Variants in AP3B1 observed in about 807,000 individuals in gnomAD.
AP3B1 encodes the protein adaptor related protein complex 3 subunit beta 1.
In AP3B1, 61 loss-of-function variants were observed where a neutral mutation model predicts 132.5. That is an observed-to-expected ratio of 0.46 (90% CI 0.37 to 0.57). AP3B1 has a LOEUF of 0.57. Among genes scored for constraint, AP3B1 ranks in the 20% least tolerant of loss-of-function variants. The pLI is 0.00. For missense variants in AP3B1, 1,120 were observed against 1,289.4 expected (o/e 0.87, Z 2.01); for synonymous variants, 388 against 438.3 (o/e 0.89, Z 1.43).
At chr5:78,248,889 T>C (rs1028938098) in intron 2 of AP3B1, among the ~76,000 whole-genome samples, 4 of 152,234 alleles carry the variant, frequency 2.6e-5, no homozygotes, top group African/African-American at 4.8e-5. Context: ...GCTGCCATGA[T>C]TTCTGATGAG....
At chr5:78,136,780 A>G (rs1278099498) in intron 15 of AP3B1, among the ~76,000 whole-genome samples, 1 of 151,342 alleles carries the variant, frequency 6.6e-6, no homozygotes, top group African/African-American at 2.4e-5. Flanking sequence ...GAGTGTTGCC[A>G]CTCTAACTGC....
At position 78,027,886 on chromosome 5, in the gene AP3B1, G is replaced by A. The variant is rs954271152; in HGVS notation, c.2894+6475C>T. Among the ~76,000 whole-genome samples the A allele has an allele frequency of 3.3e-5, 5 of 152,268 alleles. No individual in the cohort carries two copies. In the South Asian group the frequency reaches 6.2e-4, roughly 19 times the overall value. On this transcript the variant is annotated intron_variant, in intron 24 of 26. Transcript: ENST00000255194. ...CAGGCCTGTAATCCCAGCACTTTGGGAGGCCGAGGCGGGCAGATCACCTGA... is the reference window on the plus strand; with the variant it reads ...CAGGCCTGTAATCCCAGCACTTTGGAAGGCCGAGGCGGGCAGATCACCTGA...
chr5:78,189,249 A>T (rs116327725), intron 7 of AP3B1, among the ~76,000 whole-genome samples: 15,494 of 151,918 alleles, frequency 0.1, 1,499 homozygotes, highest in African/African-American at 0.25. Context: ...AAAATTATTT[A>T]AAAAAAAATT....
chr5:78,260,840 G>A (rs950009814), intron 2 of AP3B1, among the ~76,000 whole-genome samples: 2 of 147,384 alleles, frequency 1.4e-5, no homozygotes, highest in African/African-American at 2.5e-5. Context: ...CTAGGTACCT[G>A]ATAAAAGTGG....
intron 14 of AP3B1, among the ~76,000 whole-genome samples, chr5:78,150,530 G>C (rs1753597881): frequency 6.7e-6 from 1 of 148,790 alleles, no homozygotes; most frequent in Admixed American, 6.9e-5. Flanking sequence ...AAAAACTTTG[G>C]TTTTAAAGGG....
chr5:78,281,999 G>A (rs965785744), intron 1 of AP3B1, among the ~76,000 whole-genome samples: 13 of 152,074 alleles, frequency 8.5e-5, no homozygotes, highest in African/African-American at 2.9e-4. Context: ...AAAAAAGCTC[G>A]TTAGACTCCA....
chr5:78,147,167 ATATT>A (rs1051688133), intron 14 of AP3B1, among the ~76,000 whole-genome samples: 8 of 152,012 alleles, frequency 5.3e-5, no homozygotes, highest in Non-Finnish European at 8.8e-5. Context: ...TTTCCTTTAC[ATATT>A]TATTTGGTTG....
chr5:78,187,122 TAA>T (rs1287276682), intron 7 of AP3B1, among the ~76,000 whole-genome samples: 1 of 152,176 alleles, frequency 6.6e-6, no homozygotes, highest in Non-Finnish European at 1.5e-5. Context: ...TAGTGCTTAA[TAA>T]AAAGACTATA....
At chr5:78,243,755 G>A (rs1160381409) in intron 2 of AP3B1, among the ~76,000 whole-genome samples, 5 of 151,860 alleles carry the variant, frequency 3.3e-5, no homozygotes, top group Non-Finnish European at 5.9e-5. Flanking sequence ...CATGGCATGT[G>A]CCAGGAATAG....
At chr5:78,190,402 T>G (rs1038805339) in intron 7 of AP3B1, among the ~76,000 whole-genome samples, 7 of 152,074 alleles carry the variant, frequency 4.6e-5, no homozygotes, top group Non-Finnish European at 1.0e-4. Context: ...GGGTGGACGT[T>G]TTTATGAGGT....
At chr5:78,041,055 A>G (rs964602157) in intron 22 of AP3B1, among the ~76,000 whole-genome samples, 5 of 152,122 alleles carry the variant, frequency 3.3e-5, no homozygotes, top group African/African-American at 9.7e-5. Context: ...TGGGTGGATC[A>G]CCTGAGGTCC....
intron 2 of AP3B1, among the ~76,000 whole-genome samples, chr5:78,244,940 A>C (rs1420314116): frequency 6.6e-6 from 1 of 152,080 alleles, no homozygotes; most frequent in Non-Finnish European, 1.5e-5. Context: ...GGTTATAGTG[A>C]GCCAAGATCG....
At chr5:78,139,186 A>C (rs1407072151) in intron 15 of AP3B1, among the ~76,000 whole-genome samples, 1 of 152,176 alleles carries the variant, frequency 6.6e-6, no homozygotes, top group Admixed American at 6.5e-5. Flanking sequence ...AAGAAGCTTT[A>C]CTTAGTTTGA....
At chr5:78,273,170 C>A (rs545268425) in intron 1 of AP3B1, among the ~76,000 whole-genome samples, 2 of 150,466 alleles carry the variant, frequency 1.3e-5, no homozygotes, top group South Asian at 4.2e-4. Context: ...TTTGGGAGGC[C>A]GAGGCTAGTG....
At chr5:78,281,262 C>A (rs10069779) in intron 1 of AP3B1, among the ~76,000 whole-genome samples, 1 of 151,760 alleles carries the variant, frequency 6.6e-6, no homozygotes, top group South Asian at 2.1e-4. Flanking sequence ...TGGCAAAACC[C>A]TATCTCTACT....
chr5:78,276,254 G>A (rs111317263), intron 1 of AP3B1, among the ~76,000 whole-genome samples: 4 of 151,996 alleles, frequency 2.6e-5, no homozygotes, highest in Non-Finnish European at 4.4e-5. Flanking sequence ...TTTTTGTAGA[G>A]ATAGGGTCTC....
intron 26 of AP3B1, among the ~76,000 whole-genome samples, chr5:78,010,047 G>A (rs976677387): frequency 7.2e-5 from 11 of 152,174 alleles, no homozygotes; most frequent in African/African-American, 2.7e-4. Flanking sequence ...GTGAAAATGT[G>A]AGATGGCTGA....
At chr5:78,179,880 A>C (rs1427750330) in intron 8 of AP3B1, among the ~76,000 whole-genome samples, 1 of 152,180 alleles carries the variant, frequency 6.6e-6, no homozygotes, top group Non-Finnish European at 1.5e-5. Context: ...CACAAAAAGT[A>C]AACCACCTCT....
At chr5:78,210,612 A>G (rs1332454397) in intron 7 of AP3B1, among the ~76,000 whole-genome samples, 1 of 152,194 alleles carries the variant, frequency 6.6e-6, no homozygotes, top group Non-Finnish European at 1.5e-5. Flanking sequence ...AAATATTTAG[A>G]GTTTTAACTT....
Sources: gnomAD v4.1 joint callset for allele counts (sites outside exome capture counted in the v4.1 genomes callset) on GRCh38, gnomAD v4.1.1 for gene constraint, MANE v1.5 for transcripts, NCBI Gene and HGNC (gene_info 2026-07-23, HGNC 2026-07-21) for gene names.